CC2D2A: variants seen among roughly 807,000 people sequenced by gnomAD.
The protein encoded by CC2D2A is coiled-coil and C2 domain containing 2A, also known as coiled-coil and C2 domain-containing protein 2A.
CC2D2A carries 155 observed loss-of-function variants against 212.9 expected under a neutral mutation model. The observed-to-expected ratio is 0.73, with a 90% CI of 0.64 to 0.83. The LOEUF is 0.83. Ranked by LOEUF, CC2D2A falls within the 40% of genes least tolerant of loss-of-function variation. The probability of loss-of-function intolerance (pLI) is 0.00; values close to 1 mark genes in which losing one functional copy is unlikely to be tolerated. For synonymous variants in CC2D2A, 667 were observed against 686.5 expected (o/e 0.97, Z 0.44); for missense variants, 1,856 against 1,956.2 (o/e 0.95, Z 0.97).
chr4:15,537,564 G>A (rs936289300), intron 15 of CC2D2A, among the ~76,000 whole-genome samples: 1 of 152,180 alleles, frequency 6.6e-6, no homozygotes, highest in Non-Finnish European at 1.5e-5. Flanking sequence ...AATATTTCAA[G>A]ATGTGTACTT....
intron 14 of CC2D2A, among the ~76,000 whole-genome samples, chr4:15,534,170 T>G (rs553257542): frequency 2.0e-5 from 3 of 152,344 alleles, no homozygotes; most frequent in African/African-American, 7.2e-5. Flanking sequence ...TGGACTGGAT[T>G]ATTTATCTTG....
At position 15,567,721 on chromosome 4, in the gene CC2D2A, T is replaced by C. The variant is rs753770061; in HGVS notation, c.3333T>C (p.Val1111=). 4.5e-5 allele frequency: 73 copies of C among 1,605,748 alleles called. No individual in the cohort carries two copies. In the South Asian group the frequency reaches 8.1e-4, roughly 18 times the overall value. Reference sequence around the variant, plus strand: ...TAGAAGTCTCTTTTCAACGAACAGTTTGCCATACGACTACGGCTGAAGGAC... The same window carrying C: ...TAGAAGTCTCTTTTCAACGAACAGTCTGCCATACGACTACGGCTGAAGGAC... ...PFVEVSFQRT[V]CHTTTAEGPN... is the part of the protein sequence containing the mutation. The change falls in exon 26 of 37, where the codon GTT becomes GTC. Residue 1111 remains valine, a synonymous_variant. Coordinates refer to ENST00000424120, the MANE Select transcript of CC2D2A (RefSeq NM_001378615.1).
chr4:15,575,632 C>A (rs1720371902), intron 29 of CC2D2A, among the ~76,000 whole-genome samples: 2 of 152,196 alleles, frequency 1.3e-5, no homozygotes, highest in South Asian at 4.1e-4. Context: ...AATATCATCA[C>A]TATCTCCCAT....
intron 11 of CC2D2A, among the ~76,000 whole-genome samples, chr4:15,526,670 A>G (rs960628135): frequency 6.6e-6 from 1 of 152,216 alleles, no homozygotes; most frequent in Non-Finnish European, 1.5e-5. Context: ...TATCCTTACT[A>G]TAGTCAGTCT....
intron 20 of CC2D2A, among the ~76,000 whole-genome samples, 153 bp from the exon 21 acceptor site, chr4:15,557,151 T>A (rs945814076): frequency 2.6e-5 from 4 of 152,222 alleles, no homozygotes; most frequent in Non-Finnish European, 4.4e-5. Context: ...ATGAATATAA[T>A]AGCATGTGAC....
At chr4:15,581,723 G>C (rs1214208393) in intron 30 of CC2D2A, among the ~76,000 whole-genome samples, 1 of 152,180 alleles carries the variant, frequency 6.6e-6, no homozygotes, top group Non-Finnish European at 1.5e-5. Flanking sequence ...ACTCACATTT[G>C]AGACTGGAAT....
chr4:15,546,406 A>C (rs559402148), intron 17 of CC2D2A, among the ~76,000 whole-genome samples: 1 of 152,178 alleles, frequency 6.6e-6, no homozygotes, highest in South Asian at 2.1e-4. Context: ...TAACATTATC[A>C]TTTTTCCTTA....
At chr4:15,494,999 T>A (rs184249112) in intron 4 of CC2D2A, among the ~76,000 whole-genome samples, 14 of 152,308 alleles carry the variant, frequency 9.2e-5, no homozygotes, top group Non-Finnish European at 1.0e-4. Context: ...GGGGGTTTGG[T>A]ATACAGATCA....
intron 11 of CC2D2A, among the ~76,000 whole-genome samples, chr4:15,522,293 C>T (rs1717254014): frequency 6.6e-6 from 1 of 152,188 alleles, no homozygotes; most frequent in Non-Finnish European, 1.5e-5. Flanking sequence ...CTTAACAGAG[C>T]CTTGATGAAT....
At chr4:15,590,730 TA>T (rs1254959883) in intron 33 of CC2D2A, among the ~76,000 whole-genome samples, 1 of 152,192 alleles carries the variant, frequency 6.6e-6, no homozygotes, top group African/African-American at 2.4e-5. Context: ...ACTCTTTAAT[TA>T]TTTTTTTAAT....
At chr4:15,482,297 A>G in intron 4 of CC2D2A, 2 of 982,968 alleles carry the variant, frequency 2.0e-6, no homozygotes, top group Non-Finnish European at 1.2e-6. Flanking sequence ...TAAATGCTCA[A>G]AATTATTTAT....
At chr4:15,552,726 C>T (rs373064743) in intron 18 of CC2D2A, among the ~76,000 whole-genome samples, 14 of 152,298 alleles carry the variant, frequency 9.2e-5, no homozygotes, top group Middle Eastern at 3.4e-3. Context: ...GCTTCTTTAG[C>T]GCTATCTTCA....
At chr4:15,533,792 T>C (rs529271047) in intron 14 of CC2D2A, among the ~76,000 whole-genome samples, 2 of 152,346 alleles carry the variant, frequency 1.3e-5, no homozygotes, top group Admixed American at 1.3e-4. Context: ...CTTGTCCATT[T>C]CTGTTGATGG....
intron 17 of CC2D2A, among the ~76,000 whole-genome samples, chr4:15,546,195 G>A (rs185480214): frequency 2.7e-4 from 41 of 152,214 alleles, no homozygotes; most frequent in African/African-American, 8.4e-4. Context: ...CTTCCAGAAA[G>A]GTCTTGAAAA....
At chr4:15,526,241 G>A (rs762420378) in intron 11 of CC2D2A, among the ~76,000 whole-genome samples, 50 of 152,104 alleles carry the variant, frequency 3.3e-4, no homozygotes, top group Middle Eastern at 6.8e-3. Context: ...GAGATGATGC[G>A]TGTGAAATGC....
intron 12 of CC2D2A, 94 bp downstream of exon 12, chr4:15,527,750 C>T: frequency 1.1e-6 from 1 of 876,320 alleles, no homozygotes; most frequent in Non-Finnish European, 1.8e-6. Flanking sequence ...ATGTTCATGC[C>T]CCTCTTTCAC....
chr4:15,581,704 T>C (rs1486037937), intron 30 of CC2D2A, among the ~76,000 whole-genome samples: 2 of 152,226 alleles, frequency 1.3e-5, no homozygotes, highest in Non-Finnish European at 2.9e-5. Context: ...TAACACCTAC[T>C]CTGTATTTAC....
chr4:15,587,759 A>C lies in CC2D2A; in HGVS notation c.4066-57A>C, dbSNP rs1357153592. ...CTATGACATATTAGAATCCTGCACAACCAATCCAGAATAAAGCATTGAGTC... is the reference window on the plus strand; with the variant it reads ...CTATGACATATTAGAATCCTGCACACCCAATCCAGAATAAAGCATTGAGTC... On this transcript the variant is annotated intron_variant, in intron 31 of 36. Transcript: ENST00000424120. 5 of 932,178 alleles carry C rather than the reference A, an allele frequency of 5.4e-6. No individual in the cohort carries two copies. In the African/African-American group the frequency reaches 8.1e-5, roughly 15 times the overall value. 57.7% of individuals were successfully genotyped at this position (932,178 alleles called of 1,614,324 possible).
At chr4:15,587,392 T>C (rs1720898486) in intron 31 of CC2D2A, among the ~76,000 whole-genome samples, 4 of 152,256 alleles carry the variant, frequency 2.6e-5, no homozygotes, top group Admixed American at 2.6e-4. Flanking sequence ...AGACTGGCTT[T>C]ACTACTTCCT....
Sources: allele counts gnomAD v4.1 joint callset (sites outside exome capture counted in the v4.1 genomes callset), GRCh38; gene constraint gnomAD v4.1.1; transcripts MANE v1.5; gene names NCBI Gene and HGNC (gene_info 2026-07-23, HGNC 2026-07-21).